RABGAP1L: variants seen among roughly 807,000 people sequenced by gnomAD.
RABGAP1L encodes RAB GTPase activating protein 1 like, also known as rab GTPase-activating protein 1-like.
A neutral mutation model predicts 137.7 loss-of-function variants in RABGAP1L; 63 were observed. The observed-to-expected ratio is 0.46, with a 90% CI of 0.37 to 0.56. RABGAP1L has a LOEUF of 0.56. RABGAP1L is among the 20% of genes least tolerant of loss of function. RABGAP1L has a pLI of 0.00. For synonymous variants in RABGAP1L, 431 were observed against 433.7 expected (o/e 0.99, Z 0.08); for missense variants, 1,095 against 1,244.0 (o/e 0.88, Z 1.80).
chr1:174,701,046 G>C (rs1679608232), intron 16 of RABGAP1L: 1 of 1,301,858 alleles, frequency 7.7e-7, no homozygotes, highest in Non-Finnish European at 1.0e-6. Context: ...TTTTCAAAGA[G>C]AGCATGTAGT....
At chr1:174,469,316 TAAC>T (rs1433221564) in intron 13 of RABGAP1L, among the ~76,000 whole-genome samples, 8 of 152,224 alleles carry the variant, frequency 5.3e-5, no homozygotes, top group Non-Finnish European at 1.2e-4. Context: ...ATCTTTCTGA[TAAC>T]AAGGCCACTA....
intron 13 of RABGAP1L, among the ~76,000 whole-genome samples, chr1:174,598,326 C>CAAAAA (rs35838560): frequency 1.5e-5 from 1 of 68,698 alleles, no homozygotes; most frequent in African/African-American, 7.2e-5. Flanking sequence ...GACTCTGTCT[C>CAAAAA]AAAAAAAAAA....
chr1:174,650,614 A>G (rs951702809), intron 14 of RABGAP1L, among the ~76,000 whole-genome samples: 21 of 152,034 alleles, frequency 1.4e-4, no homozygotes, highest in African/African-American at 4.6e-4. Flanking sequence ...TTTCTAGTTT[A>G]TTTGTGTAGA....
chr1:174,238,159 G>A (rs945966716), intron 4 of RABGAP1L, among the ~76,000 whole-genome samples: 2 of 151,990 alleles, frequency 1.3e-5, no homozygotes, highest in African/African-American at 4.8e-5. Flanking sequence ...GGTTATTCTA[G>A]TTATACATTC....
intron 13 of RABGAP1L, among the ~76,000 whole-genome samples, chr1:174,578,994 A>G (rs1668559412): frequency 6.6e-6 from 1 of 152,168 alleles, no homozygotes; most frequent in Non-Finnish European, 1.5e-5. Flanking sequence ...AAAAATACAT[A>G]TAGAACACAG....
intron 11 of RABGAP1L, among the ~76,000 whole-genome samples, chr1:174,337,996 A>C (rs534117147): frequency 6.6e-6 from 1 of 152,302 alleles, no homozygotes; most frequent in African/African-American, 2.4e-5. Context: ...CGTTTGACTC[A>C]AATATAGTAC....
chr1:174,528,082 AT>A (rs1244192828), intron 13 of RABGAP1L, among the ~76,000 whole-genome samples: 2 of 151,630 alleles, frequency 1.3e-5, no homozygotes, highest in Non-Finnish European at 2.9e-5. Flanking sequence ...TAGTTAAGTC[AT>A]TTTTTTAATT....
At chr1:174,863,934 C>T (rs1034025381) in intron 19 of RABGAP1L, among the ~76,000 whole-genome samples, 3 of 152,018 alleles carry the variant, frequency 2.0e-5, no homozygotes, top group African/African-American at 4.8e-5. Flanking sequence ...GAGCCAAGAT[C>T]GTGCCACTGC....
At chr1:174,183,892 G>T (rs1666588075) in intron 1 of RABGAP1L, among the ~76,000 whole-genome samples, 1 of 142,192 alleles carries the variant, frequency 7.0e-6, no homozygotes, top group Admixed American at 7.2e-5. Flanking sequence ...TTGAGATGGA[G>T]TCTCACTCTG....
intron 13 of RABGAP1L, among the ~76,000 whole-genome samples, chr1:174,616,447 C>T (rs550852526): frequency 1.3e-5 from 2 of 152,154 alleles, no homozygotes; most frequent in Non-Finnish European, 2.9e-5. Flanking sequence ...CTGATTTATT[C>T]AGTACTCATT....
chr1:174,569,559 C>G (rs528826930), intron 13 of RABGAP1L, among the ~76,000 whole-genome samples: 1 of 152,116 alleles, frequency 6.6e-6, no homozygotes, highest in Non-Finnish European at 1.5e-5. Flanking sequence ...TCACCTGACA[C>G]GAATCCTTAC....
chr1:174,669,388 A>G (rs1243334811), intron 14 of RABGAP1L, among the ~76,000 whole-genome samples: 1 of 152,106 alleles, frequency 6.6e-6, no homozygotes, highest in Non-Finnish European at 1.5e-5. Flanking sequence ...CAGCCAAATC[A>G]TATTAGATGT....
At chr1:174,657,953 T>C (rs1243669140) in intron 14 of RABGAP1L, among the ~76,000 whole-genome samples, 2 of 152,228 alleles carry the variant, frequency 1.3e-5, no homozygotes, top group East Asian at 3.9e-4. Flanking sequence ...GCAAGTGGAG[T>C]GTTCCAGGGA....
At chr1:174,650,757 C>G (rs1394271010) in intron 14 of RABGAP1L, among the ~76,000 whole-genome samples, 2 of 149,488 alleles carry the variant, frequency 1.3e-5, no homozygotes, top group Non-Finnish European at 3.0e-5. Context: ...AGCGGTCTAT[C>G]AATTTTGTTG....
At chr1:174,609,574 C>T (rs770689828) in intron 13 of RABGAP1L, among the ~76,000 whole-genome samples, 1 of 152,126 alleles carries the variant, frequency 6.6e-6, no homozygotes, top group Admixed American at 6.6e-5. Context: ...CTGTTAAGCA[C>T]TATAATCCAG....
intron 13 of RABGAP1L, among the ~76,000 whole-genome samples, chr1:174,609,860 A>G (rs1019373467): frequency 1.7e-4 from 26 of 152,114 alleles, no homozygotes; most frequent in African/African-American, 6.3e-4. Flanking sequence ...GTAAAGCTCA[A>G]TGAGCAAACC....
chr1:174,518,819 G>A (rs1663100047), intron 13 of RABGAP1L, among the ~76,000 whole-genome samples: 1 of 152,118 alleles, frequency 6.6e-6, no homozygotes, highest in Admixed American at 6.6e-5. Flanking sequence ...ACAAATGATT[G>A]CCTTGACAGT....
At chr1:174,912,091 G>GA (rs915670735) in intron 19 of RABGAP1L, among the ~76,000 whole-genome samples, 2 of 151,606 alleles carry the variant, frequency 1.3e-5, no homozygotes, top group African/African-American at 4.8e-5. Flanking sequence ...AGAAATAGCA[G>GA]AAAAAAAATA....
At chr1:174,393,555 G>A (rs895188352) in intron 12 of RABGAP1L, among the ~76,000 whole-genome samples, 4 of 152,122 alleles carry the variant, frequency 2.6e-5, no homozygotes, top group Admixed American at 2.6e-4. Flanking sequence ...TATAGTCAAG[G>A]TGTGATAGGC....
Sources: allele counts gnomAD v4.1 joint callset (sites outside exome capture counted in the v4.1 genomes callset), GRCh38; gene constraint gnomAD v4.1.1; transcripts MANE v1.5; gene names NCBI Gene and HGNC (gene_info 2026-07-23, HGNC 2026-07-21).